Variants in SCFD1 observed in about 807,000 individuals in gnomAD.
SCFD1 encodes the protein sec1 family domain-containing protein 1.
SCFD1 carries 37 observed loss-of-function variants against 103.2 expected under a neutral mutation model. That is an observed-to-expected ratio of 0.36 (90% CI 0.28 to 0.47). The LOEUF is 0.47. Among genes scored for constraint, SCFD1 ranks in the 20% least tolerant of loss-of-function variants. The pLI is 1.00. For missense variants in SCFD1, 639 were observed against 761.2 expected (o/e 0.84, Z 1.89); for synonymous variants, 264 against 245.0 (o/e 1.08, Z -0.73).
At chr14:30,632,032 A>T (rs1402152776) in intron 3 of SCFD1, among the ~76,000 whole-genome samples, 3 of 129,720 alleles carry the variant, frequency 2.3e-5, no homozygotes, top group Non-Finnish European at 3.2e-5. Flanking sequence ...TGGGCAGCAG[A>T]GCAAGATTCT....
chr14:30,623,894 G>T (rs1479433604), intron 1 of SCFD1, among the ~76,000 whole-genome samples: 1 of 152,084 alleles, frequency 6.6e-6, no homozygotes, highest in African/African-American at 2.4e-5. Flanking sequence ...TGCCTATGGA[G>T]AATGTTTTGG....
intron 23 of SCFD1, among the ~76,000 whole-genome samples, chr14:30,725,108 C>T (rs1373149788): frequency 6.6e-6 from 1 of 152,148 alleles, no homozygotes; most frequent in Non-Finnish European, 1.5e-5. Flanking sequence ...AGTTTGAAGT[C>T]TGGTAGCATG....
intron 3 of SCFD1, among the ~76,000 whole-genome samples, chr14:30,632,546 A>G (rs1884285662): frequency 6.6e-6 from 1 of 152,234 alleles, no homozygotes; most frequent in East Asian, 1.9e-4. Context: ...GACTGAAATA[A>G]GCAGGTTTGC....
At chr14:30,729,105 A>G (rs1893261216) in intron 23 of SCFD1, among the ~76,000 whole-genome samples, 1 of 151,942 alleles carries the variant, frequency 6.6e-6, no homozygotes, top group Non-Finnish European at 1.5e-5. Flanking sequence ...TTGCCTTTTT[A>G]TGATTGAGTT....
intron 6 of SCFD1, among the ~76,000 whole-genome samples, chr14:30,642,427 A>C (rs1885374587): frequency 6.6e-6 from 1 of 152,174 alleles, no homozygotes; most frequent in South Asian, 2.1e-4. Flanking sequence ...TCATATCCAT[A>C]CAGAATCCCT....
At chr14:30,735,033 A>C (rs1033826871) in intron 24 of SCFD1, 175 bp downstream of exon 24, 8 of 545,602 alleles carry the variant, frequency 1.5e-5, no homozygotes, top group Non-Finnish European at 2.6e-5. Context: ...GATAAGTAAT[A>C]ATGTTTCCAG....
chr14:30,623,596 T>C (rs905050098), intron 1 of SCFD1, among the ~76,000 whole-genome samples: 1 of 152,236 alleles, frequency 6.6e-6, no homozygotes, highest in Non-Finnish European at 1.5e-5. Flanking sequence ...TTCTGATGAC[T>C]ATACTACATA....
Position 30,640,273 on chromosome 14 carries a change from G to T in SCFD1, c.523+409G>T, listed in dbSNP as rs570776532. 1.6e-4 allele frequency among the ~76,000 whole-genome samples: 24 copies of T among 152,242 alleles called. 1 individual carries two copies. The South Asian group carries it at 5.0e-3, about 32-fold the overall frequency. On this transcript the variant is annotated intron_variant, in intron 6 of 24. Transcript: ENST00000458591. Reference sequence around the variant, plus strand: ...AGATGATAAGCTCCCTGAGAGAAGAGAATGAATCTTTTGGTTTCATTGAGC... The same window carrying T: ...AGATGATAAGCTCCCTGAGAGAAGATAATGAATCTTTTGGTTTCATTGAGC...
At chr14:30,724,072 T>TAAAAAA (rs59654790) in intron 23 of SCFD1, among the ~76,000 whole-genome samples, 10 of 91,354 alleles carry the variant, frequency 1.1e-4, no homozygotes, top group African/African-American at 5.0e-4. Flanking sequence ...ACCAGTATCT[T>TAAAAAA]AAAAAAAAAA....
intron 16 of SCFD1, among the ~76,000 whole-genome samples, chr14:30,701,314 T>C (rs1169834124): frequency 6.6e-6 from 1 of 152,164 alleles, no homozygotes; most frequent in African/African-American, 2.4e-5. Flanking sequence ...AGTATCTCTT[T>C]CAGGCCAAGG....
intron 23 of SCFD1, among the ~76,000 whole-genome samples, chr14:30,732,890 G>C (rs1217278795): frequency 6.6e-6 from 1 of 152,148 alleles, no homozygotes; most frequent in Admixed American, 6.5e-5. Context: ...TTGGGAACTT[G>C]ACTTAAAACC....
chr14:30,633,498 A>G (rs1884392020), intron 3 of SCFD1, among the ~76,000 whole-genome samples: 1 of 152,150 alleles, frequency 6.6e-6, no homozygotes, highest in Non-Finnish European at 1.5e-5. Context: ...AAATTTTTTT[A>G]TAGCTTCTAA....
Position 30,680,344 on chromosome 14 carries a change from G to T in SCFD1, c.1242+5279G>T, listed in dbSNP as rs555118345. ...TGAAAATACAAACATAGGATGTGGG[G>T]TTTTTTTTCTTTTAAAGGGAGAATG... is the stretch of plus-strand genomic sequence containing the variant. On this transcript the variant is annotated intron_variant, in intron 14 of 24. Coordinates refer to ENST00000458591, the MANE Select transcript of SCFD1 (RefSeq NM_016106.4). Among the ~76,000 whole-genome samples the T allele has an allele frequency of 1.3e-4, 19 of 151,848 alleles. 1 individual carries two copies. In the South Asian group the frequency reaches 1.5e-3, roughly 12 times the overall value.
At chr14:30,646,984 T>C (rs1380154488) in intron 7 of SCFD1, among the ~76,000 whole-genome samples, 2 of 152,154 alleles carry the variant, frequency 1.3e-5, no homozygotes, top group Non-Finnish European at 2.9e-5. Context: ...CTCATTGTGT[T>C]TATTTGGATC....
At chr14:30,689,000 G>A (rs1367693052) in intron 14 of SCFD1, among the ~76,000 whole-genome samples, 49 of 24,238 alleles carry the variant, frequency 2.0e-3, no homozygotes, top group Non-Finnish European at 2.5e-3. Flanking sequence ...CTCTTTTAGG[G>A]CAGGCCTGGT....
intron 6 of SCFD1, among the ~76,000 whole-genome samples, chr14:30,642,726 C>T (rs1302519149): frequency 6.6e-6 from 1 of 151,938 alleles, no homozygotes; most frequent in Non-Finnish European, 1.5e-5. Flanking sequence ...TATTTATTTT[C>T]CTTTTTGTCA....
intron 23 of SCFD1, among the ~76,000 whole-genome samples, chr14:30,733,098 C>T (rs912872417): frequency 6.6e-6 from 1 of 151,772 alleles, no homozygotes; most frequent in Admixed American, 6.6e-5. Context: ...CTCTGCCTCC[C>T]GAGTTCAATC....
At chr14:30,664,168 G>A (rs894159356) in intron 10 of SCFD1, among the ~76,000 whole-genome samples, 1 of 152,106 alleles carries the variant, frequency 6.6e-6, no homozygotes. Context: ...CCTCTGAGAT[G>A]AAGCTTCCAG....
chr14:30,716,886 C>A (rs1892316019), intron 20 of SCFD1, among the ~76,000 whole-genome samples: 2 of 152,102 alleles, frequency 1.3e-5, no homozygotes, highest in Admixed American at 6.5e-5. Flanking sequence ...ATGGGAGAAT[C>A]ATTTATAATG....
Sources: gnomAD v4.1 joint callset for allele counts (sites outside exome capture counted in the v4.1 genomes callset) on GRCh38, gnomAD v4.1.1 for gene constraint, MANE v1.5 for transcripts, NCBI Gene and HGNC (gene_info 2026-07-23, HGNC 2026-07-21) for gene names.